SMG6: variants seen among roughly 807,000 people sequenced by gnomAD.
SMG6 encodes the protein SMG6 nonsense mediated mRNA decay factor.
A neutral mutation model predicts 142.2 loss-of-function variants in SMG6; 66 were observed. That is an observed-to-expected ratio of 0.46 (90% CI 0.38 to 0.57). SMG6 has a LOEUF of 0.57. SMG6 is among the 20% of genes least tolerant of loss of function. The probability of loss-of-function intolerance (pLI) is 0.00; values close to 1 mark genes in which losing one functional copy is unlikely to be tolerated. For synonymous variants in SMG6, 779 were observed against 702.4 expected (o/e 1.11, Z -1.72); for missense variants, 1,793 against 1,832.0 (o/e 0.98, Z 0.39).
chr17:2,303,299 C>T (rs2151423973), intron 1 of SMG6: 1 of 1,113,226 alleles, frequency 9.0e-7, no homozygotes, highest in Non-Finnish European at 1.1e-6. Flanking sequence ...CTCCACCAGA[C>T]CCCACTCCTT....
chr17:2,192,943 G>A (rs1462292753), intron 10 of SMG6, among the ~76,000 whole-genome samples: 2 of 152,348 alleles, frequency 1.3e-5, no homozygotes, highest in South Asian at 4.1e-4. Flanking sequence ...GAATGAGTCA[G>A]CAGAATCAGG....
intron 12 of SMG6, among the ~76,000 whole-genome samples, chr17:2,177,062 G>A (rs1050259581): frequency 6.6e-6 from 1 of 152,154 alleles, no homozygotes; most frequent in Non-Finnish European, 1.5e-5. Context: ...CTGGTTGTTT[G>A]GGGGATATTG....
rs142573231 is a variant in SMG6, at chr17:2,111,657, G to C, written c.3358-25756C>G. Among the ~76,000 whole-genome samples the C allele has an allele frequency of 6.2e-4, 95 of 152,296 alleles. 1 individual carries two copies. The highest frequency in any genetic ancestry group is 2.1e-3 in the African/African-American group (87 of 41,564). ...AGGTTCAAGGGATCCTCCGGCCTTG[G>C]CCTCTTAAAGTGCTGGGATTACAGG... On this transcript the variant is annotated intron_variant, in intron 13 of 18. Coordinates refer to ENST00000263073, the MANE Select transcript of SMG6 (RefSeq NM_017575.5).
At position 2,299,488 on chromosome 17, in the gene SMG6, G is replaced by T. The variant is rs1337538039; in HGVS notation, c.1265C>A (p.Ala422Glu). 6.2e-7 allele frequency: 1 copy of T among 1,614,150 alleles called. No individual in the cohort carries two copies. The highest frequency in any genetic ancestry group is 1.7e-5 in the Admixed American group (1 of 60,006). The part of the protein sequence containing the change: ...PAHTTLSVNS[A>E]GSPESAPLGP... ...CAAAGGCGCGGACTCTGGAGAACCT[G>T]CTGAATTGACAGATAGGGTGGTATG... The change falls in exon 2 of 19, where the codon GCA becomes GAA. Residue 422 changes from alanine to glutamate, a missense_variant. Around this residue, in one of 3 missense-constraint regions of SMG6, gnomAD observed 1,597 missense variants for 1,584.6 expected, o/e 1.01. Coordinates refer to ENST00000263073, the MANE Select transcript of SMG6 (RefSeq NM_017575.5). The surrounding 1 kb of genome is among the most constrained non-coding windows in gnomAD (Gnocchi z 4.3).
In SMG6 at chr17:2,268,008, A is replaced by G. The variant is rs544042823; in HGVS notation, c.2661+14639T>C. Reference sequence around the variant, plus strand: ...GGGATCCGCCTGCCTTGGCCTCCCAAAGTGCTGGGATTACAGGCGTGAGCC... The same window carrying G: ...GGGATCCGCCTGCCTTGGCCTCCCAGAGTGCTGGGATTACAGGCGTGAGCC... On this transcript the variant is annotated intron_variant, in intron 8 of 18. Coordinates refer to ENST00000263073, the MANE Select transcript of SMG6 (RefSeq NM_017575.5). Among the ~76,000 whole-genome samples, 14 of 152,176 alleles carry G rather than the reference A, an allele frequency of 9.2e-5. No individual in the cohort carries two copies. The South Asian group carries it at 2.9e-3, about 32-fold the overall frequency.
At chr17:2,255,261 G>A (rs1006129887) in intron 8 of SMG6, among the ~76,000 whole-genome samples, 16 of 151,200 alleles carry the variant, frequency 1.1e-4, no homozygotes, top group South Asian at 6.3e-4. Flanking sequence ...AAAATTAGCC[G>A]GGCGTGGTGG....
intron 12 of SMG6, among the ~76,000 whole-genome samples, chr17:2,185,684 G>A (rs941324343): frequency 6.6e-6 from 1 of 151,988 alleles, no homozygotes; most frequent in Non-Finnish European, 1.5e-5. Flanking sequence ...CTCATGGTGA[G>A]AAGACAGGGG....
intron 8 of SMG6, among the ~76,000 whole-genome samples, chr17:2,246,684 G>A (rs1044711577): frequency 6.6e-6 from 1 of 152,226 alleles, no homozygotes; most frequent in African/African-American, 2.4e-5. Context: ...AGTGGCTCAT[G>A]CCTGGAATCC....
At chr17:2,199,606 T>TA (rs1040727988) in intron 10 of SMG6, among the ~76,000 whole-genome samples, 1 of 151,654 alleles carries the variant, frequency 6.6e-6, no homozygotes, top group Non-Finnish European at 1.5e-5. Context: ...AATTTTGATT[T>TA]AAAAAAATAT....
chr17:2,095,531 C>CA (rs1235726847), intron 13 of SMG6, among the ~76,000 whole-genome samples: 3 of 152,168 alleles, frequency 2.0e-5, no homozygotes, highest in African/African-American at 4.8e-5. Context: ...CCTGGGGACT[C>CA]ATCACAGAAC....
chr17:2,250,893 A>C (rs972504880), intron 8 of SMG6, among the ~76,000 whole-genome samples: 2 of 152,090 alleles, frequency 1.3e-5, no homozygotes, highest in African/African-American at 4.8e-5. Flanking sequence ...CGCACTGGTG[A>C]TGTTGTTCAC....
At chr17:2,089,163 T>A (rs2068645069) in intron 13 of SMG6, among the ~76,000 whole-genome samples, 1 of 152,142 alleles carries the variant, frequency 6.6e-6, no homozygotes, top group Admixed American at 6.5e-5. Flanking sequence ...TTAACTCTGC[T>A]CGTGAGCACA....
intron 10 of SMG6, among the ~76,000 whole-genome samples, chr17:2,220,144 A>G (rs796720571): frequency 4.6e-5 from 7 of 152,256 alleles, no homozygotes; most frequent in East Asian, 1.9e-4. Context: ...GCTGGTCTCA[A>G]ACTCCTGGGC....
chr17:2,182,459 G>T (rs1341037717), intron 12 of SMG6, among the ~76,000 whole-genome samples: 3 of 152,200 alleles, frequency 2.0e-5, no homozygotes, highest in Admixed American at 6.5e-5. Context: ...TAGAGGTGGG[G>T]AGGGCATGGG....
At chr17:2,225,558 C>A (rs567547708) in intron 10 of SMG6, among the ~76,000 whole-genome samples, 3 of 151,930 alleles carry the variant, frequency 2.0e-5, no homozygotes, top group Admixed American at 6.6e-5. Flanking sequence ...AATTAAAAAA[C>A]CAAATAAATC....
intron 4 of SMG6, among the ~76,000 whole-genome samples, chr17:2,294,562 C>T (rs1237033955): frequency 2.0e-5 from 3 of 152,182 alleles, no homozygotes; most frequent in Non-Finnish European, 4.4e-5. Context: ...GTATATTGTC[C>T]TCTTCCCCTA....
intron 13 of SMG6, among the ~76,000 whole-genome samples, chr17:2,093,330 G>C (rs2068773225): frequency 6.6e-6 from 1 of 152,164 alleles, no homozygotes; most frequent in Non-Finnish European, 1.5e-5. Flanking sequence ...GGCTGAGGTA[G>C]GAGGATTGCT....
intron 13 of SMG6, among the ~76,000 whole-genome samples, chr17:2,156,732 G>A (rs2071019692): frequency 6.6e-6 from 1 of 152,126 alleles, no homozygotes; most frequent in African/African-American, 2.4e-5. Flanking sequence ...ACTGCTCACT[G>A]TAGCCTCGAC....
At chr17:2,097,314 C>T (rs1376539074) in intron 13 of SMG6, among the ~76,000 whole-genome samples, 2 of 152,018 alleles carry the variant, frequency 1.3e-5, no homozygotes, top group Admixed American at 1.3e-4. Flanking sequence ...GCCACCACAC[C>T]TGCTAATTTC....
Sources: allele counts gnomAD v4.1 joint callset (sites outside exome capture counted in the v4.1 genomes callset), GRCh38; gene constraint gnomAD v4.1.1; regional missense constraint gnomAD v4.1.1; non-coding constraint Gnocchi (gnomAD v3.1); transcripts MANE v1.5; gene names NCBI Gene and HGNC (gene_info 2026-07-23, HGNC 2026-07-21).